Variants in RIMS2 observed in about 807,000 individuals in gnomAD.
RIMS2 encodes the protein regulating synaptic membrane exocytosis 2, also known as regulating synaptic membrane exocytosis protein 2.
RIMS2 carries 59 observed loss-of-function variants against 174.4 expected under a neutral mutation model. The ratio of observed to expected loss-of-function variants is 0.34; its 90% CI spans 0.27 to 0.42. The LOEUF (loss-of-function observed/expected upper bound fraction) is 0.42, where lower values mean the gene tolerates loss of function less well. RIMS2 is among the 10% of genes least tolerant of loss of function. RIMS2 has a pLI of 1.00. For missense variants in RIMS2, 1,620 were observed against 1,666.3 expected, an observed-to-expected ratio of 0.97 and a Z score of 0.48; for synonymous variants, 606 against 572.5, an observed-to-expected ratio of 1.06 and a Z score of -0.84.
At chr8:103,745,230 A>C (rs1321032148) in intron 2 of RIMS2, among the ~76,000 whole-genome samples, 2 of 152,100 alleles carry the variant, frequency 1.3e-5, no homozygotes, top group Non-Finnish European at 2.9e-5. Flanking sequence ...TTCTTATTCT[A>C]TGGAGTTATC....
chr8:104,223,616 A>T lies in RIMS2; in HGVS notation c.3335-21300A>T, dbSNP rs1032799848. 4 of 1,576,004 alleles carry T rather than the reference A, an allele frequency of 2.5e-6. No homozygotes were observed. In the African/African-American group the frequency reaches 5.4e-5, roughly 21 times the overall value. On this transcript the variant is annotated intron_variant, in intron 19 of 23. Transcript: ENST00000504942. ...CGCCCCAGCCGCCAAGACGCCGCGT[A>T]TCTTGTACCGCGGGAAAAGCGGGTC... is the stretch of plus-strand genomic sequence containing the variant.
At chr8:104,052,813 G>T (rs1261164453) in intron 19 of RIMS2, among the ~76,000 whole-genome samples, 2 of 151,966 alleles carry the variant, frequency 1.3e-5, no homozygotes, top group South Asian at 4.2e-4. Flanking sequence ...GCATTGATGG[G>T]ACATTGAAGA....
intron 1 of RIMS2, among the ~76,000 whole-genome samples, chr8:103,655,704 G>A (rs2096522003): frequency 6.6e-6 from 1 of 151,932 alleles, no homozygotes; most frequent in Middle Eastern, 3.2e-3. Flanking sequence ...TTAAGCATAG[G>A]GAACATGATA....
At chr8:103,813,513 A>G (rs2098701382) in intron 3 of RIMS2, among the ~76,000 whole-genome samples, 1 of 151,888 alleles carries the variant, frequency 6.6e-6, no homozygotes, top group African/African-American at 2.4e-5. Flanking sequence ...TTAACTCGTC[A>G]TTTACATTAG....
chr8:104,065,764 T>C (rs959926061), intron 19 of RIMS2, among the ~76,000 whole-genome samples: 1 of 152,128 alleles, frequency 6.6e-6, no homozygotes, highest in Non-Finnish European at 1.5e-5. Context: ...AAGACTCTAA[T>C]AAAGAATTTT....
intron 19 of RIMS2, among the ~76,000 whole-genome samples, chr8:104,213,492 T>A (rs956350485): frequency 6.6e-6 from 1 of 152,214 alleles, no homozygotes; most frequent in Non-Finnish European, 1.5e-5. Flanking sequence ...GGAAAAGCAG[T>A]CATTCCCGTT....
chr8:104,068,844 C>T (rs1032171628), intron 19 of RIMS2, among the ~76,000 whole-genome samples: 3 of 152,146 alleles, frequency 2.0e-5, no homozygotes, highest in Non-Finnish European at 4.4e-5. Flanking sequence ...AAGGACAAAT[C>T]TTTTACAGTT....
intron 19 of RIMS2, among the ~76,000 whole-genome samples, chr8:104,158,383 C>T (rs1353000483): frequency 6.6e-6 from 1 of 152,006 alleles, no homozygotes; most frequent in African/African-American, 2.4e-5. Context: ...TTTATAGTAG[C>T]ATGATTTATA....
At chr8:104,195,488 G>A (rs2099019286) in intron 19 of RIMS2, among the ~76,000 whole-genome samples, 1 of 149,238 alleles carries the variant, frequency 6.7e-6, no homozygotes, top group Non-Finnish European at 1.5e-5. Flanking sequence ...TAATAATGAA[G>A]TGTAAGGGTG....
At chr8:104,234,026 T>C (rs1157695078) in intron 19 of RIMS2, among the ~76,000 whole-genome samples, 1 of 152,170 alleles carries the variant, frequency 6.6e-6, no homozygotes, top group African/African-American at 2.4e-5. Context: ...CATAGTTTTT[T>C]TTCTGGAGAT....
chr8:103,961,176 C>A (rs1182645595), intron 15 of RIMS2, 43 bp downstream of exon 17: 2 of 850,240 alleles, frequency 2.4e-6, no homozygotes, highest in South Asian at 1.4e-5. Context: ...AAAGGGAGTG[C>A]AATTCATCAT....
intron 19 of RIMS2, among the ~76,000 whole-genome samples, chr8:104,187,076 T>C (rs898672841): frequency 4.6e-5 from 7 of 151,798 alleles, no homozygotes; most frequent in Admixed American, 2.6e-4. Flanking sequence ...GTCTCAAATC[T>C]CAAGTTATAT....
At chr8:104,183,060 C>G (rs1397813925) in intron 19 of RIMS2, among the ~76,000 whole-genome samples, 2 of 151,646 alleles carry the variant, frequency 1.3e-5, no homozygotes, top group Admixed American at 1.3e-4. Flanking sequence ...GTGACTAAAA[C>G]TTTTACCCAT....
intron 19 of RIMS2, among the ~76,000 whole-genome samples, chr8:104,193,009 G>T (rs1049379693): frequency 6.6e-6 from 1 of 151,926 alleles, no homozygotes; most frequent in African/African-American, 2.4e-5. Context: ...AGAGCTTCAC[G>T]TAGGTATACA....
At chr8:103,905,437 T>C (rs2154525661) in intron 4 of RIMS2, among the ~76,000 whole-genome samples, 1 of 152,298 alleles carries the variant, frequency 6.6e-6, no homozygotes, top group Admixed American at 6.5e-5. Flanking sequence ...CTGTTTCTGA[T>C]GAGGGGTTGG....
rs369006805 is a variant in RIMS2, at chr8:103,576,434, C to CA, written c.176+75379dup. Reference sequence around the variant, plus strand: ...GAATGCAAAGATGTAAATGTACATTCAAAAAAACAAGAGCAAAGAGGGAAC... The same window carrying CA: ...GAATGCAAAGATGTAAATGTACATTCAAAAAAAACAAGAGCAAAGAGGGAAC... On this transcript the variant is annotated intron_variant, in intron 1 of 23. Transcript: ENST00000504942. Among the ~76,000 whole-genome samples, 25 of 152,042 alleles carry CA rather than the reference C, an allele frequency of 1.6e-4. 1 individual carries two copies. Among genetic ancestry groups the CA allele is most frequent in the African/African-American group, 5.8e-4 (24 of 41,466 alleles).
At chr8:103,897,884 C>G (rs369891359) in intron 4 of RIMS2, among the ~76,000 whole-genome samples, 1 of 151,724 alleles carries the variant, frequency 6.6e-6, no homozygotes, top group East Asian at 1.9e-4. Context: ...TGGACTTTAT[C>G]TAAAGCGTCT....
rs62527118 is a variant in RIMS2, at chr8:103,930,288, C to T, written c.2245-975C>T. Among the ~76,000 whole-genome samples the T allele has an allele frequency of 6.0e-3, 910 of 152,098 alleles. 13 individuals carry two copies. Among genetic ancestry groups the T allele is most frequent in the Non-Finnish European group, 7.3e-3 (497 of 67,936 alleles). On this transcript the variant is annotated intron_variant, in intron 11 of 23. Coordinates refer to ENST00000504942, the Ensembl canonical transcript of RIMS2. ...ACTCTAGGATATGAAGTGAGGGACTCGACAAAGCTATGTTGGAATTGGAAC... is the reference window on the plus strand; with the variant it reads ...ACTCTAGGATATGAAGTGAGGGACTTGACAAAGCTATGTTGGAATTGGAAC...
At chr8:103,712,701 A>G (rs1449258634) in intron 2 of RIMS2, among the ~76,000 whole-genome samples, 2 of 152,228 alleles carry the variant, frequency 1.3e-5, no homozygotes, top group Non-Finnish European at 2.9e-5. Flanking sequence ...GCAGGATGGT[A>G]AAACAGACTG....
Sources: gnomAD v4.1 joint callset for allele counts (sites outside exome capture counted in the v4.1 genomes callset) on GRCh38, gnomAD v4.1.1 for gene constraint, MANE v1.5 for transcripts, NCBI Gene and HGNC (gene_info 2026-07-23, HGNC 2026-07-21) for gene names.